ALK: variants seen among roughly 807,000 people sequenced by gnomAD.
The protein encoded by ALK is ALK tyrosine kinase receptor.
In ALK, 74 loss-of-function variants were observed where a neutral mutation model predicts 163.1. The observed-to-expected ratio is 0.45, with a 90% CI of 0.38 to 0.55. The LOEUF (loss-of-function observed/expected upper bound fraction) is 0.55, where lower values mean the gene tolerates loss of function less well. Ranked by LOEUF, ALK falls within the 20% of genes least tolerant of loss-of-function variation. ALK has a pLI of 0.00. For synonymous variants in ALK, 960 were observed against 843.2 expected, an observed-to-expected ratio of 1.14 and a Z score of -2.40; for missense variants, 2,063 against 2,105.3, an observed-to-expected ratio of 0.98 and a Z score of 0.39.
At chr2:29,881,278 C>A (rs867943744) in intron 1 of ALK, among the ~76,000 whole-genome samples, 1 of 152,180 alleles carries the variant, frequency 6.6e-6, no homozygotes, top group South Asian at 2.1e-4. Flanking sequence ...AGGCTGCTCC[C>A]GACCCACTCA....
intron 3 of ALK, among the ~76,000 whole-genome samples, chr2:29,536,109 A>T (rs919824081): frequency 6.6e-6 from 1 of 152,158 alleles, no homozygotes; most frequent in Non-Finnish European, 1.5e-5. Flanking sequence ...TGCTTGCCAC[A>T]TGGTAGGTAC....
At chr2:29,486,166 T>A (rs1671772486) in intron 4 of ALK, among the ~76,000 whole-genome samples, 1 of 152,228 alleles carries the variant, frequency 6.6e-6, no homozygotes, top group African/African-American at 2.4e-5. Context: ...TAGAGCAGAG[T>A]AGTGCAAAAT....
At chr2:29,841,202 A>C (rs1048418036) in intron 1 of ALK, among the ~76,000 whole-genome samples, 1 of 152,064 alleles carries the variant, frequency 6.6e-6, no homozygotes, top group African/African-American at 2.4e-5. Flanking sequence ...CATCATTTAA[A>C]AAAAAGACAA....
At chr2:29,910,067 A>C (rs1163196240) in intron 1 of ALK, among the ~76,000 whole-genome samples, 2 of 152,200 alleles carry the variant, frequency 1.3e-5, no homozygotes, top group South Asian at 2.1e-4. Context: ...CAATATAAGT[A>C]GACATAGAAA....
At chr2:29,325,000 C>T (rs1667208577) in intron 6 of ALK, among the ~76,000 whole-genome samples, 1 of 152,152 alleles carries the variant, frequency 6.6e-6, no homozygotes, top group African/African-American at 2.4e-5. Flanking sequence ...AGTTACGTTG[C>T]CCAGAGTGAG....
chr2:29,312,402 G>A (rs1017646734), intron 8 of ALK, among the ~76,000 whole-genome samples: 3 of 151,976 alleles, frequency 2.0e-5, no homozygotes, highest in African/African-American at 2.4e-5. Flanking sequence ...AAAGTGGGGG[G>A]GCTTCCTCCA....
intron 9 of ALK, among the ~76,000 whole-genome samples, chr2:29,295,446 C>A (rs954893022): frequency 5.3e-5 from 8 of 152,192 alleles, no homozygotes; most frequent in Non-Finnish European, 1.2e-4. Flanking sequence ...TCCCCAAAGA[C>A]AAAAGACTAA....
intron 3 of ALK, among the ~76,000 whole-genome samples, chr2:29,680,867 T>C (rs1490247066): frequency 6.6e-6 from 1 of 152,152 alleles, no homozygotes; most frequent in African/African-American, 2.4e-5. Context: ...CTTGTTCTTA[T>C]AGTTGTTTTA....
chr2:29,764,117 G>A (rs1680791438), intron 1 of ALK, among the ~76,000 whole-genome samples: 1 of 152,172 alleles, frequency 6.6e-6, no homozygotes, highest in Admixed American at 6.5e-5. Context: ...TACCAGTGCA[G>A]TCCCTATTTG....
intron 1 of ALK, among the ~76,000 whole-genome samples, chr2:29,808,119 T>G (rs1664667534): frequency 6.6e-6 from 1 of 152,222 alleles, no homozygotes; most frequent in Non-Finnish European, 1.5e-5. Flanking sequence ...CATATAAGGT[T>G]TCTTCCTTAA....
chr2:29,445,578 C>T (rs1027812881), intron 4 of ALK, among the ~76,000 whole-genome samples: 13 of 152,092 alleles, frequency 8.5e-5, no homozygotes, highest in Non-Finnish European at 1.6e-4. Context: ...TTCGGGAGGC[C>T]GAGGGGGGTG....
intron 4 of ALK, among the ~76,000 whole-genome samples, chr2:29,462,421 G>A (rs1323270299): frequency 6.6e-6 from 1 of 152,094 alleles, no homozygotes; most frequent in Non-Finnish European, 1.5e-5. Flanking sequence ...TTTTAAAATT[G>A]CCACAGCCAT....
chr2:29,881,481 T>C (rs1222449578), intron 1 of ALK, among the ~76,000 whole-genome samples: 1 of 152,204 alleles, frequency 6.6e-6, no homozygotes, highest in East Asian at 1.9e-4. Context: ...GTTCTGACTT[T>C]GGAGCAAAGG....
intron 3 of ALK, among the ~76,000 whole-genome samples, chr2:29,675,982 T>A (rs1677860719): frequency 1.3e-5 from 2 of 152,108 alleles, no homozygotes; most frequent in Admixed American, 1.3e-4. Flanking sequence ...TGCATTGGCC[T>A]CCCAAAGTGT....
chr2:29,873,440 T>A (rs557894792), intron 1 of ALK, among the ~76,000 whole-genome samples: 4 of 152,266 alleles, frequency 2.6e-5, no homozygotes, highest in Admixed American at 2.6e-4. Context: ...TGCTGGCATT[T>A]GTCAGGTGCA....
chr2:29,510,544 T>A (rs549843451), intron 4 of ALK, among the ~76,000 whole-genome samples: 25 of 152,338 alleles, frequency 1.6e-4, no homozygotes, highest in African/African-American at 5.8e-4. Flanking sequence ...ATTTACTTCA[T>A]AGGCTGCTAT....
intron 26 of ALK, among the ~76,000 whole-genome samples, chr2:29,205,361 G>A (rs920559578): frequency 6.6e-6 from 1 of 152,194 alleles, no homozygotes; most frequent in African/African-American, 2.4e-5. Context: ...TGGCTGGTGG[G>A]TAGCTTGCTT....
chr2:29,297,577 C>T (rs1251484073), intron 8 of ALK, among the ~76,000 whole-genome samples: 1 of 152,168 alleles, frequency 6.6e-6, no homozygotes, highest in Non-Finnish European at 1.5e-5. Context: ...AACTAAAGAC[C>T]CAATGACTTG....
intron 6 of ALK, among the ~76,000 whole-genome samples, chr2:29,325,916 T>A (rs1667244553): frequency 6.6e-6 from 1 of 152,062 alleles, no homozygotes; most frequent in Admixed American, 6.5e-5. Flanking sequence ...GTTTTCAGAG[T>A]CAACATTAGT....
Sources: allele counts gnomAD v4.1 joint callset (sites outside exome capture counted in the v4.1 genomes callset), GRCh38; gene constraint gnomAD v4.1.1; transcripts MANE v1.5; gene names NCBI Gene and HGNC (gene_info 2026-07-23, HGNC 2026-07-21).